The following METTL9 variants were observed in gnomAD, a reference collection of about 807,000 sequenced individuals.
The protein encoded by METTL9 is methyltransferase 9, His-X-His N1(pi)-histidine.
In METTL9, 10 loss-of-function variants were observed where a neutral mutation model predicts 36.0. The observed-to-expected ratio is 0.28, with a 90% CI of 0.17 to 0.47. METTL9 has a LOEUF of 0.47. METTL9 is among the 20% of genes least tolerant of loss of function. The probability of loss-of-function intolerance (pLI) is 0.99; values close to 1 mark genes in which losing one functional copy is unlikely to be tolerated. For synonymous variants in METTL9, 175 were observed against 149.7 expected (o/e 1.17, Z -1.23); for missense variants, 246 against 383.5 (o/e 0.64, Z 3.00).
intron 2 of METTL9, among the ~76,000 whole-genome samples, chr16:21,615,586 A>G (rs915206149): frequency 6.6e-6 from 1 of 152,052 alleles, no homozygotes; most frequent in East Asian, 1.9e-4. Context: ...AGCTCAGGTG[A>G]CCTCTTGTTC....
chr16:21,618,251 C>T (rs1461710466), intron 3 of METTL9, among the ~76,000 whole-genome samples, 177 bp downstream of exon 3: 1 of 151,978 alleles, frequency 6.6e-6, no homozygotes. Flanking sequence ...GAGGGGTTGG[C>T]ACTATAGGTA....
chr16:21,622,612 T>G (rs1965732597), intron 3 of METTL9, among the ~76,000 whole-genome samples: 1 of 152,188 alleles, frequency 6.6e-6, no homozygotes, highest in Non-Finnish European at 1.5e-5. Context: ...GCAGTTTTAG[T>G]GGGGCTAAGC....
chr16:21,610,118 AC>A (rs1965392466), intron 1 of METTL9, among the ~76,000 whole-genome samples: 1 of 152,122 alleles, frequency 6.6e-6, no homozygotes, highest in Admixed American at 6.5e-5. Context: ...CCAAAAAGAA[AC>A]CTCATGTCCA....
upstream of METTL9, among the ~76,000 whole-genome samples, chr16:21,598,246 G>A (rs908263503): frequency 2.6e-5 from 4 of 151,918 alleles, no homozygotes; most frequent in African/African-American, 9.7e-5. Context: ...CTGCTCGGGA[G>A]GCTGAGGCAG....
At chr16:21,638,800 G>A (rs946275726) in intron 4 of METTL9, among the ~76,000 whole-genome samples, 4 of 152,308 alleles carry the variant, frequency 2.6e-5, no homozygotes, top group Middle Eastern at 3.4e-3. Context: ...AAGCATGAAG[G>A]TGTGAGTAAG....
At chr16:21,599,312 T>G (rs545529249), upstream of METTL9, among the ~76,000 whole-genome samples, 1 of 152,262 alleles carries the variant, frequency 6.6e-6, no homozygotes, top group Admixed American at 6.5e-5. This position sits in a 1 kb window ranked among gnomAD's most constrained non-coding sequence, Gnocchi z 4.4. Context: ...GGAAGTGATC[T>G]CCTCAGCCCT....
At chr16:21,613,954 C>G (rs1241997926) in intron 2 of METTL9, among the ~76,000 whole-genome samples, 3 of 151,708 alleles carry the variant, frequency 2.0e-5, no homozygotes, top group African/African-American at 7.3e-5. Context: ...TTGGACCACT[C>G]AAACCACTGG....
chr16:21,597,544 A>G (rs892078303), upstream of METTL9, among the ~76,000 whole-genome samples: 6 of 152,190 alleles, frequency 3.9e-5, no homozygotes, highest in Non-Finnish European at 8.8e-5. Flanking sequence ...CCTTCTGACT[A>G]CAGCAGCCAT....
chr16:21,629,090 C>T (rs533363215), intron 4 of METTL9, among the ~76,000 whole-genome samples: 59 of 151,974 alleles, frequency 3.9e-4, no homozygotes, highest in African/African-American at 1.1e-3. Flanking sequence ...GACAGGGTTT[C>T]GCTATGTTGG....
rs1305857255 is a variant in METTL9, at chr16:21,656,419, A to AG, written c.*989dup. ...CTTGGCTCTTCCCTGAAATCCTTAAAGGAGTTTATTATTTGCCAAGAATAT... is the reference window on the plus strand; with the variant it reads ...CTTGGCTCTTCCCTGAAATCCTTAAAGGGAGTTTATTATTTGCCAAGAATAT... On this transcript the variant is annotated 3_prime_UTR_variant, in exon 5 of 5. Transcript: ENST00000358154. The AG allele has an allele frequency of 2.0e-5, 3 of 152,124 alleles. No homozygotes were observed. The highest frequency in any genetic ancestry group is 7.2e-5 in the African/African-American group (3 of 41,432). 9.4% of individuals were successfully genotyped at this position (152,124 alleles called of 1,614,324 possible). A position where few individuals can be genotyped will look rare whatever the true frequency, so the allele number is the denominator to read the frequency against.
chr16:21,615,205 T>C (rs1965523266), intron 2 of METTL9, among the ~76,000 whole-genome samples: 1 of 152,128 alleles, frequency 6.6e-6, no homozygotes, highest in African/African-American at 2.4e-5. Flanking sequence ...AATAGGACAA[T>C]GCTTCCCCTC....
In METTL9 at chr16:21,612,644, G is replaced by C; in HGVS notation, c.166-1G>C. The C allele has an allele frequency of 8.7e-7, 1 of 1,151,916 alleles. No individual in the cohort carries two copies. Among genetic ancestry groups the C allele is most frequent in the Non-Finnish European group, 1.1e-6 (1 of 889,702 alleles). The allele number at this position is 1,151,916 out of a possible 1,614,324, so 71.4% of individuals were successfully genotyped here. A position where few individuals can be genotyped will look rare whatever the true frequency, so the allele number is the denominator to read the frequency against. On this transcript the variant is annotated splice_acceptor_variant, in intron 1 of 4. Transcript: ENST00000358154. LOFTEE classifies it high-confidence loss of function. ...TGTTCTTTTTTTTTTTTTTTTTTTA[G>C]TGGTATGTGTGCAACAGAGAGAAAT...
chr16:21,646,192 T>C (rs1201220480), intron 4 of METTL9, among the ~76,000 whole-genome samples: 1 of 152,152 alleles, frequency 6.6e-6, no homozygotes, highest in Non-Finnish European at 1.5e-5. Context: ...AATCTCAGTT[T>C]ACTCAAGGGA....
chr16:21,632,861 G>A (rs1394719320), intron 4 of METTL9, among the ~76,000 whole-genome samples: 3 of 152,154 alleles, frequency 2.0e-5, no homozygotes, highest in African/African-American at 7.2e-5. Flanking sequence ...ACAAGTCTGA[G>A]TAAGGACTCC....
In METTL9 at chr16:21,656,697, G is replaced by C. The variant is rs2141633521; in HGVS notation, c.*1265G>C. On this transcript the variant is annotated 3_prime_UTR_variant, in exon 5 of 5. Transcript: ENST00000358154. ...TTTTTTCATCCAGGTGTTTCATTAA[G>C]TATTCTCATTTATATGCTCATAGAA... The C allele has an allele frequency of 6.6e-6, 1 of 152,222 alleles. No individual in the cohort carries two copies. The highest frequency in any genetic ancestry group is 2.1e-4 in the South Asian group (1 of 4,828). The allele number at this position is 152,222 out of a possible 1,614,324, so 9.4% of individuals were successfully genotyped here.
chr16:21,599,517 C>T (rs906754818), upstream of METTL9: 46 of 1,258,900 alleles, frequency 3.7e-5, no homozygotes, highest in Middle Eastern at 3.1e-4. This position sits in a 1 kb window ranked among gnomAD's most constrained non-coding sequence, Gnocchi z 4.4. Flanking sequence ...GTGCAGGGGG[C>T]AGCGGCGTTC....
chr16:21,600,039 C>A, intron 1 of METTL9, 141 bp downstream of exon 1: 2 of 765,690 alleles, frequency 2.6e-6, no homozygotes, highest in Non-Finnish European at 3.4e-6. Context: ...AAGTTTTCCC[C>A]GCGCCTTCCC....
intron 4 of METTL9, among the ~76,000 whole-genome samples, chr16:21,629,054 C>T (rs891839178): frequency 5.9e-5 from 9 of 151,792 alleles, no homozygotes; most frequent in Non-Finnish European, 1.0e-4. Context: ...CCACCACACC[C>T]GGCTCATTTT....
In METTL9 at chr16:21,656,371, A is replaced by G. The variant is rs1966711360; in HGVS notation, c.*939A>G. 1 of 151,930 alleles carries G rather than the reference A, an allele frequency of 6.6e-6. No homozygotes were observed. Among genetic ancestry groups the G allele is most frequent in the Non-Finnish European group, 1.5e-5 (1 of 67,982 alleles). 9.4% of individuals were successfully genotyped at this position (151,930 alleles called of 1,614,324 possible). On this transcript the variant is annotated 3_prime_UTR_variant, in exon 5 of 5. Coordinates refer to ENST00000358154, the MANE Select transcript of METTL9 (RefSeq NM_016025.5). ...GTTTTAATTCAACTTCTTACTCTAC[A>G]CTTATATACCTCTCTCCCAGAGCTT...
Sources: gnomAD v4.1 joint callset for allele counts (sites outside exome capture counted in the v4.1 genomes callset) on GRCh38, gnomAD v4.1.1 for gene constraint, Gnocchi (gnomAD v3.1) non-coding constraint, MANE v1.5 for transcripts, NCBI Gene and HGNC (gene_info 2026-07-23, HGNC 2026-07-21) for gene names.